Variants in PPFIA1 observed in about 807,000 individuals in gnomAD.
PPFIA1 encodes the protein liprin-alpha-1.
Under a neutral mutation model 149.9 loss-of-function variants are expected in PPFIA1, and 25 were observed. That is an observed-to-expected ratio of 0.17 (90% confidence interval 0.12 to 0.23). PPFIA1 has a LOEUF of 0.23. Among genes scored for constraint, PPFIA1 ranks in the 10% least tolerant of loss-of-function variants. The pLI is 1.00. For synonymous variants in PPFIA1, 549 were observed against 552.8 expected, an observed-to-expected ratio of 0.99 and a Z score of 0.10; for missense variants, 1,362 against 1,506.5, an observed-to-expected ratio of 0.90 and a Z score of 1.59.
intron 18 of PPFIA1, 24 bp from the exon 19 acceptor site, chr11:70,356,137 C>A: frequency 6.4e-7 from 1 of 1,572,418 alleles, no homozygotes; most frequent in Non-Finnish European, 8.8e-7. Flanking sequence ...ATTTTTACTT[C>A]TGGGCTGTTC....
intron 2 of PPFIA1, among the ~76,000 whole-genome samples, chr11:70,319,750 A>T (rs1206060944): frequency 1.3e-5 from 2 of 152,130 alleles, no homozygotes; most frequent in Non-Finnish European, 2.9e-5. Flanking sequence ...ATGGCTGCCC[A>T]CTTATGACCT....
rs577945563 is a variant in PPFIA1, at chr11:70,286,959, A to T, written c.264+14523A>T. Among the ~76,000 whole-genome samples the T allele has an allele frequency of 4.9e-5, 7 of 142,728 alleles. No individual in the cohort carries two copies. In the East Asian group the frequency reaches 9.8e-4, roughly 20 times the overall value. The allele number at this position is 142,728 out of a possible 152,430, so 93.6% of individuals were successfully genotyped here. A position where few individuals can be genotyped will look rare whatever the true frequency, so the allele number is the denominator to read the frequency against. On this transcript the variant is annotated intron_variant, in intron 2 of 27. Coordinates refer to ENST00000253925, the MANE Select transcript of PPFIA1 (RefSeq NM_003626.5). ...ACATATATATACACATATACTATAT[A>T]TATACATATACACATATATGCACAT...
Position 70,356,220 on chromosome 11 carries a change from G to C in PPFIA1, c.2548G>C (p.Gly850Arg). 1 of 1,613,458 alleles carries C rather than the reference G, an allele frequency of 6.2e-7. No homozygotes were observed. The highest frequency in any genetic ancestry group is 1.1e-5 in the South Asian group (1 of 90,858). ...TGCCTTGGGACTTAGCAAATTGGGG[G>C]GACAGGCTGAAAAAAATCGTAAACT... is the stretch of plus-strand genomic sequence containing the variant. Reference protein sequence around the residue: ...QDALGLSKLGGQAEKNRKLQK... With the variant: ...QDALGLSKLGRQAEKNRKLQK... Residue 850 changes from glycine (G) to arginine (R), a missense_variant, in exon 19 of 28, where the codon GGA becomes CGA. Physicochemically the swap from Gly to Arg is moderately radical, Grantham distance 125. Transcript: ENST00000253925.
At chr11:70,286,318 C>T (rs2051118984) in intron 2 of PPFIA1, among the ~76,000 whole-genome samples, 1 of 152,206 alleles carries the variant, frequency 6.6e-6, no homozygotes, top group African/African-American at 2.4e-5. Context: ...AGGGCACAAT[C>T]TCAGCTCGCT....
At chr11:70,281,381 G>T (rs2050751123) in intron 2 of PPFIA1, among the ~76,000 whole-genome samples, 1 of 152,164 alleles carries the variant, frequency 6.6e-6, no homozygotes, top group African/African-American at 2.4e-5. Context: ...TGCTCCTGGT[G>T]TAACCATCCG....
At chr11:70,335,335 G>A (rs1308506035) in intron 10 of PPFIA1, among the ~76,000 whole-genome samples, 1 of 152,148 alleles carries the variant, frequency 6.6e-6, no homozygotes, top group Non-Finnish European at 1.5e-5. Flanking sequence ...CCTGTGGCAG[G>A]AGCAGTGGGA....
intron 2 of PPFIA1, among the ~76,000 whole-genome samples, chr11:70,287,882 A>C (rs1383536416): frequency 6.6e-6 from 1 of 151,670 alleles, no homozygotes; most frequent in Non-Finnish European, 1.5e-5. Flanking sequence ...CCTGGGCTCA[A>C]GTGATCCTCC....
chr11:70,292,163 T>C (rs2051579777), intron 2 of PPFIA1, among the ~76,000 whole-genome samples: 1 of 152,168 alleles, frequency 6.6e-6, no homozygotes, highest in Non-Finnish European at 1.5e-5. Flanking sequence ...TTTGTATTTT[T>C]TTGTAGAGAC....
chr11:70,324,951 A>G lies in PPFIA1; in HGVS notation c.471A>G (p.Glu157=). The part of the protein sequence containing the change: ...QAQSPAGVSS[E]VEVLKALKSL... ...AGTCTCCAGCAGGCGTGTCCAGCGAAGTGGAAGTGCTGAAAGCACTGAAGT... is the reference window on the plus strand; with the variant it reads ...AGTCTCCAGCAGGCGTGTCCAGCGAGGTGGAAGTGCTGAAAGCACTGAAGT... The change falls in exon 4 of 28, where the codon GAA becomes GAG. Residue 157 remains glutamate (E), a synonymous_variant. Coordinates refer to ENST00000253925, the MANE Select transcript of PPFIA1 (RefSeq NM_003626.5). 3 of 1,614,108 alleles carry G rather than the reference A, an allele frequency of 1.9e-6. No homozygotes were observed. The highest frequency in any genetic ancestry group is 2.5e-6 in the Non-Finnish European group (3 of 1,180,006).
intron 2 of PPFIA1, chr11:70,279,153 G>T: frequency 1.9e-6 from 1 of 540,300 alleles, no homozygotes. Flanking sequence ...AGCGGCAGTC[G>T]CGCCCACACG....
intron 19 of PPFIA1, among the ~76,000 whole-genome samples, chr11:70,361,146 G>A (rs2056622343): frequency 6.6e-6 from 1 of 152,220 alleles, no homozygotes; most frequent in Non-Finnish European, 1.5e-5. Flanking sequence ...TTTGTAGTAT[G>A]CACAGAACTA....
At chr11:70,313,539 G>A (rs569432953) in intron 2 of PPFIA1, among the ~76,000 whole-genome samples, 6 of 152,294 alleles carry the variant, frequency 3.9e-5, no homozygotes, top group African/African-American at 1.4e-4. Flanking sequence ...GGGCGAGGAG[G>A]TAGAGGAGTG....
At chr11:70,353,806 C>A (rs1565437013) in intron 16 of PPFIA1, among the ~76,000 whole-genome samples, 2 of 152,116 alleles carry the variant, frequency 1.3e-5, no homozygotes, top group African/African-American at 4.8e-5. Flanking sequence ...CCCGTTCAGA[C>A]AAAAAAGGTA....
rs1272116818 is a variant in PPFIA1 at position 70,330,149 on chromosome 11, TCCCC to T, written c.931-23_931-20del. The T allele has an allele frequency of 6.4e-7, 1 of 1,553,912 alleles. No homozygotes were observed. The highest frequency in any genetic ancestry group is 1.4e-5 in the African/African-American group (1 of 71,860). On this transcript the variant is annotated intron_variant, in intron 7 of 27. Transcript: ENST00000253925. ...TAATCGTTAATTACCTACTTTTTTG[TCCCC>T]TCTGAAATACCTAATTTAGGCCATG...
intron 2 of PPFIA1, among the ~76,000 whole-genome samples, chr11:70,291,166 G>A (rs1344091099): frequency 1.3e-5 from 2 of 152,066 alleles, no homozygotes; most frequent in South Asian, 2.1e-4. Flanking sequence ...GATTACAGGC[G>A]TGAGCCACCA....
chr11:70,376,648 T>C, intron 25 of PPFIA1, 48 bp downstream of exon 25: 1 of 1,399,516 alleles, frequency 7.1e-7, no homozygotes. Context: ...TGTGTGTAAA[T>C]GTTTAAATGT....
chr11:70,278,686 A>G (rs188387370), intron 2 of PPFIA1, among the ~76,000 whole-genome samples: 4 of 152,376 alleles, frequency 2.6e-5, no homozygotes, highest in Non-Finnish European at 4.4e-5. Context: ...AAAACCCACT[A>G]CTTCAGAATC....
At chr11:70,350,222 A>G (rs73519474) in intron 16 of PPFIA1, among the ~76,000 whole-genome samples, 3,630 of 152,340 alleles carry the variant, frequency 0.024, 165 homozygotes, top group African/African-American at 0.084. Context: ...TTTTTTACTC[A>G]AATTATGTAG....
At chr11:70,272,036 A>C in intron 1 of PPFIA1, 137 bp from the exon 2 acceptor site, 2 of 991,940 alleles carry the variant, frequency 2.0e-6, no homozygotes, top group Non-Finnish European at 3.0e-6. Context: ...TTCCCAGCTT[A>C]TTTACACACA....
Sources: gnomAD v4.1 joint callset for allele counts (sites outside exome capture counted in the v4.1 genomes callset) on GRCh38, gnomAD v4.1.1 for gene constraint, MANE v1.5 for transcripts, NCBI Gene and HGNC (gene_info 2026-07-23, HGNC 2026-07-21) for gene names.